Variants in SEPTIN9 observed in about 807,000 individuals in gnomAD.
SEPTIN9 encodes the protein septin-9.
SEPTIN9 carries 13 observed loss-of-function variants against 56.6 expected under a neutral mutation model. The ratio of observed to expected loss-of-function variants is 0.23; its 90% confidence interval spans 0.15 to 0.37. The LOEUF (loss-of-function observed/expected upper bound fraction) is 0.37, where lower values mean the gene tolerates loss of function less well. Ranked by LOEUF, SEPTIN9 falls within the 10% of genes least tolerant of loss-of-function variation. The probability of loss-of-function intolerance (pLI) is 1.00; values close to 1 mark genes in which losing one functional copy is unlikely to be tolerated. For synonymous variants in SEPTIN9, 332 were observed against 334.1 expected, an observed-to-expected ratio of 0.99 and a Z score of 0.07; for missense variants, 650 against 823.1, an observed-to-expected ratio of 0.79 and a Z score of 2.57.
rs369811865 is a variant in SEPTIN9 at position 77,492,650 on chromosome 17, C to T, written c.1410C>T (p.Ile470=). 8.7e-6 allele frequency: 14 copies of T among 1,614,006 alleles called. No individual in the cohort carries two copies. The highest frequency in any genetic ancestry group is 4.5e-5 in the East Asian group (2 of 44,898). The part of the protein sequence containing the change: ...RITADLLSNG[I]DVYPQKEFDE... ...CCGCAGACCTGCTGTCCAACGGCAT[C>T]GACGTGTACCCCCAGAAGGAATTTG... Residue 470 remains isoleucine (I), a synonymous_variant, in exon 9 of 12, where the codon ATC becomes ATT. Coordinates refer to ENST00000427177, the MANE Select transcript of SEPTIN9 (RefSeq NM_001113491.2). This position sits in a 1 kb window ranked among gnomAD's most constrained non-coding sequence, Gnocchi z 5.4.
chr17:77,377,841 G>T (rs1002307856), intron 2 of SEPTIN9, among the ~76,000 whole-genome samples: 16 of 152,222 alleles, frequency 1.1e-4, no homozygotes, highest in African/African-American at 3.9e-4. Context: ...CTGCCTTTCA[G>T]CCAAGACTCA....
rs184586156 is a variant in SEPTIN9 at position 77,442,808 on chromosome 17, G to A, written c.722-39336G>A. ...GAATTGCTTGAACCCACGAGGCGGA[G>A]GTTGCAGTGAGCTGAGATCATACCA... is the stretch of plus-strand genomic sequence containing the variant. On this transcript the variant is annotated intron_variant, in intron 3 of 11. Coordinates refer to ENST00000427177, the MANE Select transcript of SEPTIN9 (RefSeq NM_001113491.2). Among the ~76,000 whole-genome samples, 150 of 152,194 alleles carry A rather than the reference G, an allele frequency of 9.9e-4. 1 individual carries two copies. The highest frequency in any genetic ancestry group is 3.5e-3 in the African/African-American group (144 of 41,542).
intron 2 of SEPTIN9, among the ~76,000 whole-genome samples, chr17:77,311,945 A>G (rs944791207): frequency 2.0e-5 from 3 of 152,040 alleles, no homozygotes; most frequent in African/African-American, 7.3e-5. Flanking sequence ...TATTTCTCTG[A>G]TATCAGCCTT....
rs189630336 is a variant in SEPTIN9, at chr17:77,321,793, A to G, written c.76+14596A>G. Among the ~76,000 whole-genome samples the G allele has an allele frequency of 4.0e-3, 606 of 152,310 alleles. 4 individuals carry two copies. Among genetic ancestry groups the G allele is most frequent in the South Asian group, 0.031 (151 of 4,820 alleles). ...AGCAGGCGGACCTCAGGAGGGGGCC[A>G]GGGGAGACGGCAGAAGGCTTGGGTG... On this transcript the variant is annotated intron_variant, in intron 2 of 11. Transcript: ENST00000427177.
rs1482660276 is a variant in SEPTIN9 at position 77,488,716 on chromosome 17, C to T, written c.1125-11C>T. On this transcript the variant is annotated splice_polypyrimidine_tract_variant and intron_variant, in intron 6 of 11. Transcript: ENST00000427177. ...CATGTGCCTGCTGACTCGTCCCCATCCCCCACGCAGCTGGCAGCCCATCAT... is the reference window on the plus strand; with the variant it reads ...CATGTGCCTGCTGACTCGTCCCCATTCCCCACGCAGCTGGCAGCCCATCAT... The T allele has an allele frequency of 2.5e-6, 4 of 1,613,334 alleles. No homozygotes were observed. The highest frequency in any genetic ancestry group is 3.4e-6 in the Non-Finnish European group (4 of 1,179,798).
At chr17:77,495,238 C>A (rs1449264123) in intron 10 of SEPTIN9, among the ~76,000 whole-genome samples, 1 of 152,198 alleles carries the variant, frequency 6.6e-6, no homozygotes, top group Non-Finnish European at 1.5e-5. Flanking sequence ...CTGGCTCCAG[C>A]TGAGGAAGAG....
In SEPTIN9 at chr17:77,451,784, CTT is replaced by C. The variant is rs956499624; in HGVS notation, c.722-30358_722-30357del. On this transcript the variant is annotated intron_variant, in intron 3 of 11. Transcript: ENST00000427177. The surrounding 1 kb of genome is among the most constrained non-coding windows in gnomAD (Gnocchi z 4.2). ...GGGCTTTGTGTGGTCACAGCTATCT[CTT>C]TGTAAATATTTGGCCAACTAAGCTG... Among the ~76,000 whole-genome samples, 7 of 152,346 alleles carry C rather than the reference CTT, an allele frequency of 4.6e-5. No individual in the cohort carries two copies. Among genetic ancestry groups the C allele is most frequent in the African/African-American group, 1.2e-4 (5 of 41,588 alleles).
At chr17:77,420,707 C>T (rs189819881) in intron 3 of SEPTIN9, among the ~76,000 whole-genome samples, 8 of 152,310 alleles carry the variant, frequency 5.3e-5, no homozygotes, top group Admixed American at 4.6e-4. Flanking sequence ...AGCCAGCTGG[C>T]ACGGGGACCT....
At chr17:77,315,321 G>A (rs1186510374) in intron 2 of SEPTIN9, among the ~76,000 whole-genome samples, 2 of 149,782 alleles carry the variant, frequency 1.3e-5, no homozygotes, top group Non-Finnish European at 3.0e-5. Context: ...GGAATCTCGC[G>A]CTGTCGCCCA....
chr17:77,416,991 C>T (rs759371642), intron 3 of SEPTIN9, among the ~76,000 whole-genome samples: 3 of 152,194 alleles, frequency 2.0e-5, no homozygotes, highest in East Asian at 3.8e-4. Context: ...CCAGCCTTCT[C>T]GAGGAGTTAC....
At chr17:77,341,308 T>G (rs1176921951) in intron 2 of SEPTIN9, among the ~76,000 whole-genome samples, 1 of 152,216 alleles carries the variant, frequency 6.6e-6, no homozygotes, top group African/African-American at 2.4e-5. Context: ...TTAATTGGCC[T>G]AATTTCAATA....
chr17:77,444,808 C>G (rs1056138397), intron 3 of SEPTIN9: 2 of 249,692 alleles, frequency 8.0e-6, no homozygotes, highest in Non-Finnish European at 1.6e-5. Flanking sequence ...CCAGATGGCT[C>G]GGGCTAAGAA....
Position 77,386,371 on chromosome 17 carries a change from G to A in SEPTIN9, c.77-15688G>A, listed in dbSNP as rs547211026. On this transcript the variant is annotated intron_variant, in intron 2 of 11. Transcript: ENST00000427177. The stretch of plus-strand genomic sequence containing the variant: ...GTAGCCCACGCTGTCCGGGAAGGGC[G>A]GGGAAGCACTCAGCCACTGGGGACT... Among the ~76,000 whole-genome samples the A allele has an allele frequency of 2.2e-4, 34 of 152,240 alleles. No homozygotes were observed. The South Asian group carries it at 4.2e-3, about 19-fold the overall frequency.
Position 77,319,804 on chromosome 17 carries a change from G to GT in SEPTIN9, c.76+12608dup. 9.3e-7 allele frequency: 1 copy of GT among 1,075,866 alleles called. No individual in the cohort carries two copies. Among genetic ancestry groups the GT allele is most frequent in the Non-Finnish European group, 1.1e-6 (1 of 884,938 alleles). The allele number at this position is 1,075,866 out of a possible 1,614,324, so 66.6% of individuals were successfully genotyped here. On this transcript the variant is annotated intron_variant, in intron 2 of 11. Transcript: ENST00000427177. This position sits in a 1 kb window ranked among gnomAD's most constrained non-coding sequence, Gnocchi z 5.3. ...TGGAAGTCGTCAGGAATTTGACTCT[G>GT]TGAGTTGGTTTCCAAGAGTCTAAGT... is the stretch of plus-strand genomic sequence containing the variant.
At chr17:77,466,946 C>T (rs2144538544) in intron 3 of SEPTIN9, among the ~76,000 whole-genome samples, 1 of 152,276 alleles carries the variant, frequency 6.6e-6, no homozygotes, top group Middle Eastern at 3.4e-3. Context: ...TAGTGCTCGG[C>T]TGGGCTCTGT....
chr17:77,464,701 C>T (rs1431812215), intron 3 of SEPTIN9, among the ~76,000 whole-genome samples: 3 of 151,794 alleles, frequency 2.0e-5, no homozygotes, highest in African/African-American at 4.8e-5. Flanking sequence ...CCCAGGTTCA[C>T]GCCATTCTCC....
At chr17:77,467,134 C>T (rs1013252425) in intron 3 of SEPTIN9, among the ~76,000 whole-genome samples, 8 of 152,238 alleles carry the variant, frequency 5.3e-5, no homozygotes, top group African/African-American at 7.2e-5. Context: ...GATGGATAGA[C>T]GCTGGGACCA....
chr17:77,377,574 C>T (rs1457658771), intron 2 of SEPTIN9, among the ~76,000 whole-genome samples: 1 of 152,042 alleles, frequency 6.6e-6, no homozygotes, highest in Non-Finnish European at 1.5e-5. Context: ...TTCTCCCGAG[C>T]CCCCACTGTC....
In SEPTIN9 at chr17:77,499,149, G is replaced by T; in HGVS notation, c.*491G>T. On this transcript the variant is annotated 3_prime_UTR_variant, in exon 12 of 12. Transcript: ENST00000427177. Reference sequence around the variant, plus strand: ...CCCACCAGGAGCACCTGGACCCCCTGCCCGCCACATGGTGTGGCCATCACT... The same window carrying T: ...CCCACCAGGAGCACCTGGACCCCCTTCCCGCCACATGGTGTGGCCATCACT... 1 of 536,110 alleles carries T rather than the reference G, an allele frequency of 1.9e-6. No individual in the cohort carries two copies. Among genetic ancestry groups the T allele is most frequent in the Non-Finnish European group, 3.6e-6 (1 of 276,484 alleles). The allele number at this position is 536,110 out of a possible 1,614,324, so 33.2% of individuals were successfully genotyped here. A position where few individuals can be genotyped will look rare whatever the true frequency, so the allele number is the denominator to read the frequency against.
Sources: gnomAD v4.1 joint callset for allele counts (sites outside exome capture counted in the v4.1 genomes callset) on GRCh38, gnomAD v4.1.1 for gene constraint, Gnocchi (gnomAD v3.1) non-coding constraint, MANE v1.5 for transcripts, NCBI Gene and HGNC (gene_info 2026-07-23, HGNC 2026-07-21) for gene names.